Variants in PTPRM observed in about 807,000 individuals in gnomAD.
PTPRM encodes the protein protein tyrosine phosphatase receptor type M.
A neutral mutation model predicts 186.7 loss-of-function variants in PTPRM; 47 were observed. The ratio of observed to expected loss-of-function variants is 0.25; its 90% CI spans 0.20 to 0.32. The LOEUF (loss-of-function observed/expected upper bound fraction) is 0.32, where lower values mean the gene tolerates loss of function less well. Among genes scored for constraint, PTPRM ranks in the 10% least tolerant of loss-of-function variants. PTPRM has a pLI of 1.00. For synonymous variants in PTPRM, 668 were observed against 674.9 expected (o/e 0.99, Z 0.16); for missense variants, 1,494 against 1,865.0 (o/e 0.80, Z 3.66).
intron 7 of PTPRM, among the ~76,000 whole-genome samples, chr18:8,052,609 A>G (rs1299666980): frequency 6.6e-6 from 1 of 152,178 alleles, no homozygotes; most frequent in African/African-American, 2.4e-5. Context: ...ATTTCTCAGA[A>G]TGTATCTCTG....
intron 1 of PTPRM, chr18:7,750,987 C>T (rs1015441631): frequency 3.5e-5 from 5 of 141,170 alleles, no homozygotes; most frequent in Non-Finnish European, 6.2e-5. Flanking sequence ...CCCCCCTCCC[C>T]GCAGAAGGAC....
At chr18:8,021,360 A>G (rs2085220650) in intron 7 of PTPRM, among the ~76,000 whole-genome samples, 2 of 147,566 alleles carry the variant, frequency 1.4e-5, no homozygotes, top group South Asian at 2.2e-4. Context: ...ACACACACAC[A>G]TATAAATTTT....
At chr18:8,064,511 G>T (rs1452320062) in intron 7 of PTPRM, among the ~76,000 whole-genome samples, 5 of 151,906 alleles carry the variant, frequency 3.3e-5, no homozygotes, top group Non-Finnish European at 5.9e-5. Context: ...GGCATTTTTT[G>T]ATTTTTGTTA....
chr18:8,121,067 C>G (rs2092154117), intron 13 of PTPRM, among the ~76,000 whole-genome samples: 1 of 152,170 alleles, frequency 6.6e-6, no homozygotes. Context: ...CGTTAATGCA[C>G]TGGGAGCTGC....
chr18:7,851,072 T>G (rs2145935207), intron 2 of PTPRM, among the ~76,000 whole-genome samples: 1 of 152,348 alleles, frequency 6.6e-6, no homozygotes, highest in Middle Eastern at 3.4e-3. Context: ...AAATCTATGT[T>G]AAAACCTAGT....
At chr18:7,614,192 A>C (rs1391280446) in intron 1 of PTPRM, among the ~76,000 whole-genome samples, 1 of 152,228 alleles carries the variant, frequency 6.6e-6, no homozygotes, top group Admixed American at 6.5e-5. Flanking sequence ...TTATTGTGGA[A>C]ATTTACATAA....
chr18:7,845,925 C>T (rs534706515), intron 2 of PTPRM, among the ~76,000 whole-genome samples: 68 of 152,230 alleles, frequency 4.5e-4, no homozygotes, highest in African/African-American at 1.5e-3. Context: ...CTGCCCAATC[C>T]TGTAATACAG....
chr18:7,712,783 A>C (rs1345252011), intron 1 of PTPRM, among the ~76,000 whole-genome samples: 3 of 151,986 alleles, frequency 2.0e-5, no homozygotes, highest in African/African-American at 7.2e-5. Flanking sequence ...ATTGAAGATC[A>C]ACTTAATGAA....
At chr18:7,961,566 T>G (rs893217152) in intron 7 of PTPRM, among the ~76,000 whole-genome samples, 2 of 152,254 alleles carry the variant, frequency 1.3e-5, no homozygotes, top group African/African-American at 2.4e-5. Flanking sequence ...AAAATGCACC[T>G]TCTTTATGAC....
At position 7,842,908 on chromosome 18, in the gene PTPRM, A is replaced by ATGTG. The variant is rs1491416761; in HGVS notation, c.197-45197_197-45196insGTGT. Among the ~76,000 whole-genome samples the ATGTG allele has an allele frequency of 5.4e-4, 54 of 100,634 alleles. 1 individual carries two copies. Among genetic ancestry groups the ATGTG allele is most frequent in the African/African-American group, 2.9e-3 (51 of 17,624 alleles). 66.0% of individuals were successfully genotyped at this position (100,634 alleles called of 152,430 possible). A position where few individuals can be genotyped will look rare whatever the true frequency, so the allele number is the denominator to read the frequency against. On this transcript the variant is annotated intron_variant, in intron 2 of 32. Transcript: ENST00000580170. ...GTGTGTATATATATATATGTTTCTC[A>ATGTG]TATGTGTGTGTGTGTGTGTGTGTAT...
chr18:8,129,750 C>G (rs2092457444), intron 13 of PTPRM, among the ~76,000 whole-genome samples: 1 of 152,160 alleles, frequency 6.6e-6, no homozygotes, highest in Non-Finnish European at 1.5e-5. Flanking sequence ...GAATTTCCTT[C>G]ATCATCATAA....
intron 22 of PTPRM, among the ~76,000 whole-genome samples, chr18:8,321,771 A>G (rs1355750407): frequency 1.3e-5 from 2 of 152,294 alleles, no homozygotes; most frequent in East Asian, 3.9e-4. Flanking sequence ...ATGAATGAAT[A>G]TTTTTAATCT....
chr18:7,934,130 A>T (rs1239708159), intron 5 of PTPRM, among the ~76,000 whole-genome samples: 1 of 152,172 alleles, frequency 6.6e-6, no homozygotes, highest in Non-Finnish European at 1.5e-5. Flanking sequence ...TTTAATAAGG[A>T]TATTCCACTT....
chr18:7,762,168 G>A (rs556148773), intron 1 of PTPRM, among the ~76,000 whole-genome samples: 1 of 152,218 alleles, frequency 6.6e-6, no homozygotes, highest in South Asian at 2.1e-4. Context: ...AGTATGATAA[G>A]GACATCAAGA....
chr18:8,145,813 G>A (rs1480637856), intron 14 of PTPRM, among the ~76,000 whole-genome samples: 1 of 152,136 alleles, frequency 6.6e-6, no homozygotes, highest in African/African-American at 2.4e-5. Flanking sequence ...GTATCTTTAT[G>A]GTAGAACAAT....
chr18:7,681,057 G>A (rs2039468960), intron 1 of PTPRM, among the ~76,000 whole-genome samples: 1 of 152,138 alleles, frequency 6.6e-6, no homozygotes, highest in African/African-American at 2.4e-5. Context: ...TGAGCCCCTG[G>A]GAAAGGCTTG....
At chr18:8,282,724 G>A (rs1321976759) in intron 19 of PTPRM, among the ~76,000 whole-genome samples, 1 of 152,140 alleles carries the variant, frequency 6.6e-6, no homozygotes, top group Non-Finnish European at 1.5e-5. Flanking sequence ...CAATAGCACT[G>A]CTGGGCATTT....
At chr18:8,337,515 G>T (rs1409314114) in intron 22 of PTPRM, among the ~76,000 whole-genome samples, 1 of 152,140 alleles carries the variant, frequency 6.6e-6, no homozygotes, top group African/African-American at 2.4e-5. Flanking sequence ...CTGCACGCAG[G>T]GGTGGCCACT....
intron 7 of PTPRM, among the ~76,000 whole-genome samples, chr18:7,961,358 A>G (rs2147180727): frequency 6.6e-6 from 1 of 152,324 alleles, no homozygotes; most frequent in African/African-American, 2.4e-5. Context: ...TGTCTCCTAT[A>G]AGTGGAATCA....
Sources: gnomAD v4.1 joint callset for allele counts (sites outside exome capture counted in the v4.1 genomes callset) on GRCh38, gnomAD v4.1.1 for gene constraint, MANE v1.5 for transcripts, NCBI Gene and HGNC (gene_info 2026-07-23, HGNC 2026-07-21) for gene names.